The following UBE2O variants were observed in gnomAD, a reference collection of about 807,000 sequenced individuals.
The protein encoded by UBE2O is (E3-independent) E2 ubiquitin-conjugating enzyme.
In UBE2O, 15 loss-of-function variants were observed where a neutral mutation model predicts 125.8. The ratio of observed to expected loss-of-function variants is 0.12; its 90% confidence interval spans 0.08 to 0.18. The LOEUF is 0.18. Among genes scored for constraint, UBE2O ranks in the 10% least tolerant of loss-of-function variants. The pLI, the probability that UBE2O is intolerant of heterozygous loss-of-function variation, is 1.00. For synonymous variants in UBE2O, 708 were observed against 703.2 expected (o/e 1.01, Z -0.11); for missense variants, 1,280 against 1,723.6 (o/e 0.74, Z 4.56).
chr17:76,411,717 A>C (rs1359596132), intron 1 of UBE2O, among the ~76,000 whole-genome samples: 1 of 151,980 alleles, frequency 6.6e-6, no homozygotes, highest in African/African-American at 2.4e-5. Context: ...ACAGGGTCTC[A>C]CTCTGCCACC....
intron 1 of UBE2O, among the ~76,000 whole-genome samples, chr17:76,414,116 T>C (rs760947663): frequency 1.3e-5 from 2 of 151,998 alleles, no homozygotes; most frequent in African/African-American, 4.8e-5. Flanking sequence ...AAAGCACAAA[T>C]GGCCAGGGGG....
rs935979876 is a variant in UBE2O, at chr17:76,396,309, C to A, written c.2628G>T (p.Glu876Asp). Reference protein sequence around the residue: ...KTLDNVAIVEEEKMEAVPDVE... With the variant: ...KTLDNVAIVEDEKMEAVPDVE... ...CGTCGGGCACTGCTTCCATCTTCTC[C>A]TCCTCTACAATGGCCACATTGTCCA... Residue 876 changes from glutamate to aspartate, a missense_variant, in exon 14 of 18, where the codon GAG becomes GAT. Physicochemically the swap from Glu to Asp is conservative, Grantham distance 45. Transcript: ENST00000319380. This position sits in a 1 kb window ranked among gnomAD's most constrained non-coding sequence, Gnocchi z 6.7. 1.2e-6 allele frequency: 2 copies of A among 1,614,112 alleles called. No homozygotes were observed. The highest frequency in any genetic ancestry group is 1.7e-6 in the Non-Finnish European group (2 of 1,180,048).
rs1444428168 is a variant in UBE2O, at chr17:76,396,612, C to T, written c.2325G>A (p.Val775=). The T allele has an allele frequency of 1.9e-6, 3 of 1,611,120 alleles. No homozygotes were observed. Among genetic ancestry groups the T allele is most frequent in the African/African-American group, 2.7e-5 (2 of 74,900 alleles). Residue 775 remains valine (V), a synonymous_variant, in exon 14 of 18, where the codon GTG becomes GTA. Coordinates refer to ENST00000319380, the MANE Select transcript of UBE2O (RefSeq NM_022066.4). This position sits in a 1 kb window ranked among gnomAD's most constrained non-coding sequence, Gnocchi z 6.7. The stretch of plus-strand genomic sequence containing the variant: ...CAGCTGTGGCTGCCTCTTCACTGAT[C>T]ACCACTCCCTTGTCCTCAGGGGCCA... ...QPVAPEDKGV[V]ISEEAATAAV... is the part of the protein sequence containing the mutation.
At position 76,402,791 on chromosome 17, in the gene UBE2O, G is replaced by A. The variant is rs1456124020; in HGVS notation, c.589-92C>T. 9.9e-6 allele frequency: 11 copies of A among 1,108,012 alleles called. No homozygotes were observed. In the Admixed American group the frequency reaches 1.2e-4, roughly 12 times the overall value. The allele number at this position is 1,108,012 out of a possible 1,614,324, so 68.6% of individuals were successfully genotyped here. On this transcript the variant is annotated intron_variant, in intron 3 of 17. Coordinates refer to ENST00000319380, the MANE Select transcript of UBE2O (RefSeq NM_022066.4). The surrounding 1 kb of genome is among the most constrained non-coding windows in gnomAD (Gnocchi z 5.4). ...CTCTATGCCCCACCGAAGACAGGAT[G>A]GGGGAGGATCTAGACAGCTCACTGA...
chr17:76,445,539 G>A (rs1253593233), intron 1 of UBE2O, among the ~76,000 whole-genome samples: 1 of 152,170 alleles, frequency 6.6e-6, no homozygotes, highest in Non-Finnish European at 1.5e-5. Flanking sequence ...CCATAAAAAT[G>A]TGCTTTTCAC....
intron 15 of UBE2O, among the ~76,000 whole-genome samples, chr17:76,393,447 C>A (rs1039173575): frequency 2.0e-5 from 3 of 151,958 alleles, no homozygotes; most frequent in East Asian, 2.0e-4. Context: ...GTTGGTCAGG[C>A]TGGTCTCGAA....
chr17:76,425,363 T>C (rs1186520275), intron 1 of UBE2O, among the ~76,000 whole-genome samples: 1 of 151,954 alleles, frequency 6.6e-6, no homozygotes, highest in Non-Finnish European at 1.5e-5. Context: ...CATGCCTAAG[T>C]TAAAAAAAAA....
chr17:76,426,697 T>C (rs577456412), intron 1 of UBE2O, among the ~76,000 whole-genome samples: 9 of 152,324 alleles, frequency 5.9e-5, no homozygotes, highest in African/African-American at 2.2e-4. Flanking sequence ...CTTAAGAGTG[T>C]GTTCATTCAA....
chr17:76,434,398 G>A (rs1211583476), intron 1 of UBE2O, among the ~76,000 whole-genome samples: 2 of 152,110 alleles, frequency 1.3e-5, no homozygotes, highest in South Asian at 2.1e-4. Context: ...ACCCCAACGC[G>A]TAGGAAACAC....
At chr17:76,416,687 T>G (rs2072622016) in intron 1 of UBE2O, among the ~76,000 whole-genome samples, 1 of 152,180 alleles carries the variant, frequency 6.6e-6, no homozygotes, top group South Asian at 2.1e-4. Context: ...CTGGCATCAC[T>G]GGGACACCAG....
chr17:76,396,117 G>A lies in UBE2O; in HGVS notation c.2809+11C>T. 6.2e-7 allele frequency: 1 copy of A among 1,610,750 alleles called. No individual in the cohort carries two copies. Among genetic ancestry groups the A allele is most frequent in the Non-Finnish European group, 8.5e-7 (1 of 1,178,414 alleles). ...CGGGGGAAGGCGAAGACCAGGCAAG[G>A]GCTGACTCACAGGGTGCAAACTCCA... On this transcript the variant is annotated intron_variant, in intron 14 of 17. Transcript: ENST00000319380. The surrounding 1 kb of genome is among the most constrained non-coding windows in gnomAD (Gnocchi z 6.7).
Position 76,437,233 on chromosome 17 carries a change from G to A in UBE2O, c.417+15492C>T, listed in dbSNP as rs987477139. On this transcript the variant is annotated intron_variant, in intron 1 of 17. Coordinates refer to ENST00000319380, the MANE Select transcript of UBE2O (RefSeq NM_022066.4). The stretch of plus-strand genomic sequence containing the variant: ...TGGGAGGCCAAGGCAGGCGGATCAC[G>A]AGGTCAGGAGATCGAGACCATCCTG... 4.6e-5 allele frequency among the ~76,000 whole-genome samples: 7 copies of A among 151,460 alleles called. No homozygotes were observed. In the South Asian group the frequency reaches 1.0e-3, roughly 23 times the overall value.
intron 1 of UBE2O, among the ~76,000 whole-genome samples, chr17:76,444,400 A>T (rs1000086364): frequency 6.6e-6 from 1 of 152,112 alleles, no homozygotes; most frequent in African/African-American, 2.4e-5. Context: ...AAAATATTTT[A>T]AAAAGCCGAG....
chr17:76,447,728 C>T (rs1046753104), intron 1 of UBE2O, among the ~76,000 whole-genome samples: 1 of 152,178 alleles, frequency 6.6e-6, no homozygotes, highest in Admixed American at 6.5e-5. Context: ...ACTAGCAACA[C>T]GAGCCATTAG....
Position 76,399,439 on chromosome 17 carries a change from C to CT in UBE2O, c.1628+9dup, listed in dbSNP as rs765506877. ...GACGCCATTGGGGAGGGGCACAACTCTGAGTTTACCTGTCCCCTGGCTTGA... is the reference window on the plus strand; with the variant it reads ...GACGCCATTGGGGAGGGGCACAACTCTTGAGTTTACCTGTCCCCTGGCTTGA... On this transcript the variant is annotated intron_variant, in intron 9 of 17. Coordinates refer to ENST00000319380, the MANE Select transcript of UBE2O (RefSeq NM_022066.4). This position sits in a 1 kb window ranked among gnomAD's most constrained non-coding sequence, Gnocchi z 6.9. 1.9e-6 allele frequency: 3 copies of CT among 1,612,080 alleles called. No homozygotes were observed.
At chr17:76,401,602 G>A in intron 5 of UBE2O, 1 of 170,180 alleles carries the variant, frequency 5.9e-6, no homozygotes, top group Non-Finnish European at 1.3e-5. Flanking sequence ...AATACTGCCG[G>A]GCGCGGTGGC....
chr17:76,446,003 C>A (rs1420269347), intron 1 of UBE2O, among the ~76,000 whole-genome samples: 1 of 152,186 alleles, frequency 6.6e-6, no homozygotes, highest in Non-Finnish European at 1.5e-5. Flanking sequence ...TTAAAAATAC[C>A]GAGATCCTAT....
chr17:76,434,650 C>T (rs531102351), intron 1 of UBE2O, among the ~76,000 whole-genome samples: 1 of 152,046 alleles, frequency 6.6e-6, no homozygotes, highest in African/African-American at 2.4e-5. Context: ...CTTGCCTTGG[C>T]TTCTGCAAGG....
intron 1 of UBE2O, among the ~76,000 whole-genome samples, chr17:76,411,686 T>G (rs1245364489): frequency 6.6e-6 from 1 of 152,022 alleles, no homozygotes; most frequent in Non-Finnish European, 1.5e-5. Flanking sequence ...CAATACCAGA[T>G]TTTTTCTTTT....
Sources: gnomAD v4.1 joint callset for allele counts (sites outside exome capture counted in the v4.1 genomes callset) on GRCh38, gnomAD v4.1.1 for gene constraint, Gnocchi (gnomAD v3.1) non-coding constraint, MANE v1.5 for transcripts, NCBI Gene and HGNC (gene_info 2026-07-23, HGNC 2026-07-21) for gene names.